The following ANKRD27 variants were observed in gnomAD, a reference collection of about 807,000 sequenced individuals.
The protein encoded by ANKRD27 is ankyrin repeat domain-containing protein 27.
In ANKRD27, 112 loss-of-function variants were observed where a neutral mutation model predicts 129.7. That is an observed-to-expected ratio of 0.86 (90% CI 0.74 to 1.01). The LOEUF is 1.01. Ranked by LOEUF, ANKRD27 falls within the 50% of genes least tolerant of loss-of-function variation. The probability of loss-of-function intolerance (pLI) is 0.00; values close to 1 mark genes in which losing one functional copy is unlikely to be tolerated. For missense variants in ANKRD27, 1,258 were observed against 1,300.5 expected (o/e 0.97, Z 0.50); for synonymous variants, 516 against 511.2 (o/e 1.01, Z -0.13).
chr19:32,639,430 G>A lies in ANKRD27; in HGVS notation c.1042C>T (p.Leu348=). ...FRFSSLAKDE[L]GYCLTSFEAA... ...TCGAATGAGGTCAGGCAGTATCCCA[G>A]TTCATCCTTTGCCAAGCTGCTAAAC... The change falls in exon 12 of 29, where the codon CTG becomes TTG. Residue 348 remains leucine, a synonymous_variant. Coordinates refer to ENST00000306065, the MANE Select transcript of ANKRD27 (RefSeq NM_032139.3). 7 of 1,614,166 alleles carry A rather than the reference G, an allele frequency of 4.3e-6. No homozygotes were observed. Among genetic ancestry groups the A allele is most frequent in the Non-Finnish European group, 5.9e-6 (7 of 1,180,030 alleles).
intron 25 of ANKRD27, 142 bp from the exon 26 acceptor site, chr19:32,602,268 T>C (rs1418579107): frequency 1.7e-6 from 1 of 604,260 alleles, no homozygotes; most frequent in Non-Finnish European, 2.9e-6. Context: ...TTGGAGGCCA[T>C]AAAGCCCAGT....
At chr19:32,665,723 T>C (rs1333557926) in intron 1 of ANKRD27, among the ~76,000 whole-genome samples, 6 of 151,818 alleles carry the variant, frequency 4.0e-5, no homozygotes, top group South Asian at 2.1e-4. Context: ...CCTCACAAAG[T>C]GCTGGGATTA....
chr19:32,662,335 A>AAAAAC (rs1967661856), intron 1 of ANKRD27, among the ~76,000 whole-genome samples: 2 of 150,984 alleles, frequency 1.3e-5, no homozygotes, highest in Non-Finnish European at 3.0e-5. Flanking sequence ...AAAAAAAAAA[A>AAAAAC]AGGAAGTAGA....
intron 11 of ANKRD27, 21 bp downstream of exon 11, chr19:32,640,286 T>C (rs776379012): frequency 6.2e-7 from 1 of 1,603,696 alleles, no homozygotes; most frequent in Admixed American, 1.7e-5. Flanking sequence ...TTCAAAAGAG[T>C]ATCTTAAAAG....
intron 2 of ANKRD27, among the ~76,000 whole-genome samples, chr19:32,656,496 G>T (rs1967540272): frequency 6.6e-6 from 1 of 152,068 alleles, no homozygotes; most frequent in Admixed American, 6.6e-5. Context: ...GGTAAAGATG[G>T]TGATCTAGGG....
At chr19:32,667,613 C>T (rs547604435) in intron 1 of ANKRD27, among the ~76,000 whole-genome samples, 4 of 152,224 alleles carry the variant, frequency 2.6e-5, no homozygotes, top group Non-Finnish European at 5.9e-5. Flanking sequence ...CCAGCACTTT[C>T]GGAGGCCGAG....
intron 2 of ANKRD27, 150 bp from the exon 3 acceptor site, chr19:32,649,942 T>C: frequency 1.5e-6 from 1 of 652,016 alleles, no homozygotes; most frequent in Admixed American, 2.4e-5. Context: ...ACGGCCACAG[T>C]GGCTGCCAGC....
intron 24 of ANKRD27, 49 bp from the exon 25 acceptor site, chr19:32,604,473 A>G: frequency 6.5e-7 from 1 of 1,543,972 alleles, no homozygotes. Flanking sequence ...AAACGTCAGC[A>G]TGGAATCTGG....
At chr19:32,644,201 C>T (rs1487763961) in intron 5 of ANKRD27, 124 bp downstream of exon 5, 4 of 1,168,686 alleles carry the variant, frequency 3.4e-6, no homozygotes, top group South Asian at 1.6e-5. Context: ...TAGAGAGAAA[C>T]ATTTTTAAAA....
intron 28 of ANKRD27, among the ~76,000 whole-genome samples, chr19:32,599,027 C>A (rs1971611596): frequency 6.6e-6 from 1 of 152,162 alleles, no homozygotes; most frequent in South Asian, 2.1e-4. Context: ...CACTTGTAAT[C>A]CCAGCACACT....
chr19:32,643,640 C>T lies in ANKRD27; in HGVS notation c.526-9G>A. On this transcript the variant is annotated splice_polypyrimidine_tract_variant and intron_variant, in intron 5 of 28. Transcript: ENST00000306065. ...AGAGCATTCGCTGAGTCCTAAACCA[C>T]ATAGAGCAGAGGGACAGGCCACCCT... 1 of 1,613,842 alleles carries T rather than the reference C, an allele frequency of 6.2e-7. No homozygotes were observed. Among genetic ancestry groups the T allele is most frequent in the Middle Eastern group, 1.7e-4 (1 of 6,006 alleles).
chr19:32,617,916 G>A (rs2090431996), intron 20 of ANKRD27, among the ~76,000 whole-genome samples: 2 of 151,888 alleles, frequency 1.3e-5, no homozygotes, highest in South Asian at 2.1e-4. Context: ...CACCATGCCC[G>A]GCTAATTTTT....
At chr19:32,625,633 T>C (rs1568404293) in intron 17 of ANKRD27, among the ~76,000 whole-genome samples, 1 of 152,090 alleles carries the variant, frequency 6.6e-6, no homozygotes, top group Non-Finnish European at 1.5e-5. Flanking sequence ...GGTTTCACCA[T>C]GTTGGTCAGG....
At chr19:32,625,593 G>A (rs893948772) in intron 17 of ANKRD27, among the ~76,000 whole-genome samples, 3 of 151,904 alleles carry the variant, frequency 2.0e-5, no homozygotes, top group Admixed American at 6.6e-5. Context: ...ACCACGCCCT[G>A]CTAATTTTTG....
At chr19:32,627,106 A>G (rs1966898142) in intron 15 of ANKRD27, among the ~76,000 whole-genome samples, 1 of 152,200 alleles carries the variant, frequency 6.6e-6, no homozygotes, top group African/African-American at 2.4e-5. Context: ...TCCATGACTC[A>G]TCAGTTCATA....
intron 1 of ANKRD27, among the ~76,000 whole-genome samples, chr19:32,664,690 G>C (rs901369732): frequency 6.7e-6 from 1 of 149,316 alleles, no homozygotes; most frequent in Admixed American, 6.7e-5. Flanking sequence ...CGGGCACAGT[G>C]GCTCATGCCT....
intron 2 of ANKRD27, among the ~76,000 whole-genome samples, chr19:32,656,091 G>A (rs1599770192): frequency 8.5e-6 from 1 of 117,688 alleles, no homozygotes. Context: ...AAGAAAGAAA[G>A]AAAGAAAGAA....
intron 23 of ANKRD27, among the ~76,000 whole-genome samples, chr19:32,606,616 C>CCCGATGTGCTGGGTGACAGAGATCTCA (rs1396311661): frequency 6.6e-6 from 1 of 152,148 alleles, no homozygotes; most frequent in Non-Finnish European, 1.5e-5. Context: ...TCTCACTTCA[C>CCCGATGTGCTGGGTGACAGAGATCTCA]CTTTCTATCC....
At chr19:32,624,986 G>T (rs1242876724) in intron 17 of ANKRD27, among the ~76,000 whole-genome samples, 1 of 152,130 alleles carries the variant, frequency 6.6e-6, no homozygotes, top group Non-Finnish European at 1.5e-5. Flanking sequence ...GCCAGGTGCG[G>T]TGGCTCACTC....
Sources: gnomAD v4.1 joint callset for allele counts (sites outside exome capture counted in the v4.1 genomes callset) on GRCh38, gnomAD v4.1.1 for gene constraint, MANE v1.5 for transcripts, NCBI Gene and HGNC (gene_info 2026-07-23, HGNC 2026-07-21) for gene names.